The following DNAI7 variants were observed in gnomAD, a reference collection of about 807,000 sequenced individuals.
The protein encoded by DNAI7 is cancer susceptibility 1.
A neutral mutation model predicts 86.6 loss-of-function variants in DNAI7; 78 were observed. That is an observed-to-expected ratio of 0.90 (90% CI 0.75 to 1.09). The LOEUF (loss-of-function observed/expected upper bound fraction) is 1.09. Among genes scored for constraint, DNAI7 ranks in the 50% least tolerant of loss-of-function variants. DNAI7 has a pLI of 0.00. For synonymous variants in DNAI7, 274 were observed against 273.0 expected, an observed-to-expected ratio of 1.00 and a Z score of -0.04; for missense variants, 753 against 810.2, an observed-to-expected ratio of 0.93 and a Z score of 0.86.
chr12:25,123,390 C>A (rs1459825941), intron 9 of DNAI7, 104 bp from the exon 10 acceptor site: 3 of 642,040 alleles, frequency 4.7e-6, no homozygotes, highest in South Asian at 3.0e-5. Context: ...TACCTTAATT[C>A]TAGGCTGAAA....
chr12:25,177,873 AGTGCGCT>A (rs1195982084), intron 2 of DNAI7, among the ~76,000 whole-genome samples: 2 of 152,212 alleles, frequency 1.3e-5, no homozygotes, highest in Non-Finnish European at 2.9e-5. Context: ...AGACTAAGAA[AGTGCGCT>A]GTAACCTATC....
chr12:25,162,447 T>TA (rs1222684361), intron 2 of DNAI7, among the ~76,000 whole-genome samples: 4 of 152,222 alleles, frequency 2.6e-5, no homozygotes, highest in African/African-American at 9.6e-5. Context: ...CATAAGCAGA[T>TA]ACGAAAGCAA....
At chr12:25,153,969 A>T (rs1945862727) in intron 6 of DNAI7, among the ~76,000 whole-genome samples, 1 of 152,162 alleles carries the variant, frequency 6.6e-6, no homozygotes, top group Non-Finnish European at 1.5e-5. Context: ...AAACATGAAA[A>T]ATCATGGGTA....
rs748173715 is a variant in DNAI7, at chr12:25,149,632, A to G, written c.581T>C (p.Leu194Pro). 2.5e-6 allele frequency: 4 copies of G among 1,600,480 alleles called. No individual in the cohort carries two copies. Among genetic ancestry groups the G allele is most frequent in the East Asian group, 2.2e-5 (1 of 44,636 alleles). ...LKFGVATEIL[L>P]KQASTLADLD... ...TAAGCAAAATATCACACTTACTTTG[A>G]GAAGTATTTCTGTGGCTACACCGAA... Residue 194 changes from leucine (L) to proline (P), a missense_variant, in exon 7 of 16, where the codon CTC (leucine) becomes CCC (proline). Transcript: ENST00000395987.
At chr12:25,107,963 A>G (rs1378836858), downstream of DNAI7, 2 of 1,614,180 alleles carry the variant, frequency 1.2e-6, no homozygotes, top group East Asian at 2.2e-5. Context: ...AAGTCTGTGG[A>G]TGCCGCTCCC....
chr12:25,112,567 C>T (rs889376511), intron 13 of DNAI7, among the ~76,000 whole-genome samples: 3 of 151,750 alleles, frequency 2.0e-5, no homozygotes, highest in Non-Finnish European at 4.4e-5. Flanking sequence ...CCACCACACC[C>T]GGCTAATTTT....
intron 2 of DNAI7, among the ~76,000 whole-genome samples, chr12:25,162,683 C>A (rs778161429): frequency 6.6e-6 from 1 of 152,126 alleles, no homozygotes; most frequent in Non-Finnish European, 1.5e-5. Flanking sequence ...GTTCATCCAC[C>A]TCCTCCCACC....
rs1360181112 is a variant in DNAI7 at position 25,123,847 on chromosome 12, A to G, written c.1003-561T>C. Among the ~76,000 whole-genome samples the G allele has an allele frequency of 2.6e-5, 4 of 152,328 alleles. 1 individual carries two copies. The highest frequency in any genetic ancestry group is 6.8e-3 in the Middle Eastern group (2 of 294). On this transcript the variant is annotated intron_variant, in intron 9 of 15. Coordinates refer to ENST00000395987, the MANE Select transcript of DNAI7 (RefSeq NM_018272.5). ...ATTATGAGCCTCAAATTCCTGATGT[A>G]ACAATAACACATTTGGTATTTAACT...
intron 10 of DNAI7, among the ~76,000 whole-genome samples, chr12:25,122,939 G>A (rs1008051133): frequency 1.3e-4 from 20 of 152,166 alleles, no homozygotes; most frequent in African/African-American, 4.8e-5. Context: ...TGTGTTCTAT[G>A]TATGTAACAC....
intron 8 of DNAI7, among the ~76,000 whole-genome samples, chr12:25,145,183 G>A (rs1043338153): frequency 5.3e-5 from 8 of 152,154 alleles, no homozygotes; most frequent in Non-Finnish European, 1.2e-4. Context: ...CTTGACATTC[G>A]GAAGAATCTA....
At chr12:25,190,556 C>T in intron 2 of DNAI7, 58 bp downstream of exon 2, 1 of 676,290 alleles carries the variant, frequency 1.5e-6, no homozygotes, top group South Asian at 2.8e-5. Context: ...TGTAAATATT[C>T]TGTTCATACA....
intron 6 of DNAI7, among the ~76,000 whole-genome samples, chr12:25,151,082 T>TA (rs763593500): frequency 2.6e-5 from 4 of 152,136 alleles, no homozygotes; most frequent in Non-Finnish European, 5.9e-5. Flanking sequence ...ACACAGATAA[T>TA]ACATAGAAAT....
At position 25,110,860 on chromosome 12, in the gene DNAI7, G is replaced by C. The variant is rs189356287; in HGVS notation, c.1780-620C>G. ...AAAGAAAACAAAGGTAAGGACCTTT[G>C]TTTCATTCATTGCTATATCCTAATC... On this transcript the variant is annotated intron_variant, in intron 14 of 15. Coordinates refer to ENST00000395987, the MANE Select transcript of DNAI7 (RefSeq NM_018272.5). 3.3e-5 allele frequency among the ~76,000 whole-genome samples: 5 copies of C among 152,006 alleles called. No individual in the cohort carries two copies. In the East Asian group the frequency reaches 9.7e-4, roughly 29 times the overall value.
intron 14 of DNAI7, among the ~76,000 whole-genome samples, chr12:25,110,441 G>A (rs1182966395): frequency 2.0e-5 from 3 of 152,168 alleles, no homozygotes; most frequent in East Asian, 1.9e-4. Flanking sequence ...CGACTTGCAC[G>A]GCCCTCTGAC....
chr12:25,126,347 T>C (rs749220012), intron 9 of DNAI7, among the ~76,000 whole-genome samples: 16 of 152,106 alleles, frequency 1.1e-4, no homozygotes, highest in South Asian at 4.1e-4. Flanking sequence ...GAACCTAATG[T>C]GAAGAAATTT....
At chr12:25,167,917 T>G (rs766711500) in intron 2 of DNAI7, among the ~76,000 whole-genome samples, 4 of 152,214 alleles carry the variant, frequency 2.6e-5, no homozygotes, top group Non-Finnish European at 5.9e-5. Context: ...GGAATTCCCC[T>G]GGGTAACCTT....
chr12:25,131,019 C>T (rs1364852507), intron 9 of DNAI7, among the ~76,000 whole-genome samples: 1 of 152,046 alleles, frequency 6.6e-6, no homozygotes, highest in African/African-American at 2.4e-5. Flanking sequence ...AAACATAACT[C>T]ATATGTTCTG....
chr12:25,146,665 G>A (rs1019302596), intron 8 of DNAI7, among the ~76,000 whole-genome samples: 1 of 151,902 alleles, frequency 6.6e-6, no homozygotes, highest in African/African-American at 2.4e-5. Context: ...AGTTAAGTGG[G>A]TAAAGAGAAG....
At chr12:25,185,451 T>C (rs746164289) in intron 2 of DNAI7, among the ~76,000 whole-genome samples, 4 of 152,214 alleles carry the variant, frequency 2.6e-5, no homozygotes, top group Non-Finnish European at 5.9e-5. Flanking sequence ...TTTAGCTCAT[T>C]TGAAGTATAA....
Sources: allele counts gnomAD v4.1 joint callset (sites outside exome capture counted in the v4.1 genomes callset), GRCh38; gene constraint gnomAD v4.1.1; transcripts MANE v1.5; gene names NCBI Gene and HGNC (gene_info 2026-07-23, HGNC 2026-07-21).